The following STK32B variants were observed in gnomAD, a reference collection of about 807,000 sequenced individuals.
The protein encoded by STK32B is serine/threonine kinase 32B.
STK32B carries 43 observed loss-of-function variants against 52.6 expected under a neutral mutation model. The ratio of observed to expected loss-of-function variants is 0.82; its 90% confidence interval spans 0.64 to 1.05. The LOEUF (loss-of-function observed/expected upper bound fraction) is 1.05. STK32B is among the 50% of genes least tolerant of loss of function. STK32B has a pLI of 0.00. For missense variants in STK32B, 621 were observed against 534.6 expected, an observed-to-expected ratio of 1.16 and a Z score of -1.59; for synonymous variants, 238 against 204.3, an observed-to-expected ratio of 1.17 and a Z score of -1.41.
intron 3 of STK32B, among the ~76,000 whole-genome samples, chr4:5,288,762 T>C (rs959433221): frequency 2.6e-5 from 4 of 152,208 alleles, no homozygotes; most frequent in African/African-American, 9.6e-5. Context: ...AACTTTCTAT[T>C]TTTTTCTTTT....
chr4:5,204,851 G>C (rs1240994052), intron 3 of STK32B, among the ~76,000 whole-genome samples: 1 of 152,122 alleles, frequency 6.6e-6, no homozygotes, highest in Non-Finnish European at 1.5e-5. Flanking sequence ...GGGCTCTCAG[G>C]GCTCCTGCCT....
At chr4:5,174,606 A>T (rs759821985) in intron 3 of STK32B, among the ~76,000 whole-genome samples, 2 of 152,066 alleles carry the variant, frequency 1.3e-5, no homozygotes, top group Non-Finnish European at 1.5e-5. Context: ...AAATTCTTTT[A>T]TTTAAGAATG....
intron 1 of STK32B, among the ~76,000 whole-genome samples, chr4:5,053,667 C>T (rs896212020): frequency 1.1e-4 from 16 of 152,122 alleles, no homozygotes; most frequent in Admixed American, 4.6e-4. Context: ...GGTTAACTGC[C>T]TGTTTCGGTG....
At chr4:5,276,472 G>C (rs1401199739) in intron 3 of STK32B, among the ~76,000 whole-genome samples, 2 of 152,100 alleles carry the variant, frequency 1.3e-5, no homozygotes, top group African/African-American at 4.8e-5. Context: ...ATGACTTCAA[G>C]ATAGAAAATG....
chr4:5,483,523 C>G (rs534639663), intron 11 of STK32B, among the ~76,000 whole-genome samples: 171 of 152,132 alleles, frequency 1.1e-3, no homozygotes, highest in African/African-American at 4.1e-3. Flanking sequence ...TTTTGTTGAC[C>G]TTTTCCAAAA....
At chr4:5,252,554 T>C (rs1560262215) in intron 3 of STK32B, among the ~76,000 whole-genome samples, 1 of 152,180 alleles carries the variant, frequency 6.6e-6, no homozygotes, top group Non-Finnish European at 1.5e-5. Context: ...CCTCCTCTTG[T>C]CCCTTGCAGT....
intron 2 of STK32B, 67 bp downstream of exon 2, chr4:5,140,027 G>T: frequency 6.3e-6 from 10 of 1,587,818 alleles, no homozygotes; most frequent in Non-Finnish European, 8.6e-6. Flanking sequence ...CTGTGTGTTG[G>T]TTGCTGGGCA....
chr4:5,442,045 AG>A (rs1714829460), intron 6 of STK32B, among the ~76,000 whole-genome samples: 2 of 108,536 alleles, frequency 1.8e-5, no homozygotes, highest in Non-Finnish European at 3.7e-5. Context: ...ATTTTGGAAT[AG>A]GTGTGGTGTG....
intron 1 of STK32B, among the ~76,000 whole-genome samples, chr4:5,083,772 T>C (rs549870422): frequency 6.6e-6 from 1 of 151,434 alleles, no homozygotes; most frequent in Admixed American, 6.6e-5. Flanking sequence ...AGTCTCACTC[T>C]CTTGCCCAGG....
At chr4:5,143,124 T>TCTGTCTGTCTGTCTGTCC (rs1716623048) in intron 2 of STK32B, among the ~76,000 whole-genome samples, 1 of 150,496 alleles carries the variant, frequency 6.6e-6, no homozygotes, top group African/African-American at 2.4e-5. Context: ...TCTGTCTGTC[T>TCTGTCTGTCTGTCTGTCC]GTCTGTCTAT....
At chr4:5,187,651 T>C (rs1477192794) in intron 3 of STK32B, among the ~76,000 whole-genome samples, 1 of 152,096 alleles carries the variant, frequency 6.6e-6, no homozygotes, top group Non-Finnish European at 1.5e-5. Flanking sequence ...TGTTTGCCAA[T>C]TTCCATGGTG....
intron 11 of STK32B, among the ~76,000 whole-genome samples, chr4:5,473,976 T>C (rs1039329906): frequency 2.0e-5 from 3 of 152,016 alleles, no homozygotes; most frequent in Non-Finnish European, 4.4e-5. Context: ...TAGTCTGGTG[T>C]GGTGGTACAT....
At chr4:5,254,753 G>A (rs896555525) in intron 3 of STK32B, among the ~76,000 whole-genome samples, 10 of 152,126 alleles carry the variant, frequency 6.6e-5, no homozygotes, top group South Asian at 6.2e-4. Flanking sequence ...CTTGGCCAGA[G>A]TCAGGTCTTG....
chr4:5,131,017 C>T (rs73091504), intron 1 of STK32B, among the ~76,000 whole-genome samples: 5,762 of 152,238 alleles, frequency 0.038, 361 homozygotes, highest in African/African-American at 0.13. Context: ...CTGACTCTGC[C>T]GCTGCACCCG....
the STK32B span, among the ~76,000 whole-genome samples, chr4:5,036,061 C>T: frequency 1.1e-3 from 172 of 152,130 alleles, 2 homozygotes; most frequent in Middle Eastern, 0.01. Context: ...GGATTACAGG[C>T]GTGAGCCATC....
chr4:5,428,407 A>T (rs906934779), intron 6 of STK32B, among the ~76,000 whole-genome samples: 1 of 151,862 alleles, frequency 6.6e-6, no homozygotes, highest in African/African-American at 2.4e-5. Context: ...GACTCTGTCT[A>T]AAAAAAACAA....
intron 3 of STK32B, among the ~76,000 whole-genome samples, chr4:5,180,259 C>T (rs1720253046): frequency 6.6e-6 from 1 of 152,252 alleles, no homozygotes. Flanking sequence ...GACAGACTCA[C>T]CATGTCCTAA....
At chr4:5,306,275 A>G (rs1729920439) in intron 3 of STK32B, among the ~76,000 whole-genome samples, 1 of 152,098 alleles carries the variant, frequency 6.6e-6, no homozygotes, top group Non-Finnish European at 1.5e-5. Context: ...TTCTGTCTTG[A>G]TGACCTTTCT....
intron 3 of STK32B, among the ~76,000 whole-genome samples, chr4:5,247,249 T>A (rs1725525275): frequency 6.6e-6 from 1 of 152,204 alleles, no homozygotes; most frequent in Non-Finnish European, 1.5e-5. Context: ...CCGCTTTTTT[T>A]ACCTACTCAA....
Sources: allele counts gnomAD v4.1 joint callset (sites outside exome capture counted in the v4.1 genomes callset), GRCh38; gene constraint gnomAD v4.1.1; transcripts MANE v1.5; gene names NCBI Gene and HGNC (gene_info 2026-07-23, HGNC 2026-07-21).